Variants in ZCWPW1 observed in about 807,000 individuals in gnomAD.
ZCWPW1 encodes zinc finger CW-type PWWP domain protein 1.
A neutral mutation model predicts 81.3 loss-of-function variants in ZCWPW1; 56 were observed. The observed-to-expected ratio is 0.69, with a 90% CI of 0.56 to 0.86. ZCWPW1 has a LOEUF of 0.86. ZCWPW1 is among the 40% of genes least tolerant of loss of function. The pLI is 0.00. For missense variants in ZCWPW1, 650 were observed against 769.8 expected (o/e 0.84, Z 1.84); for synonymous variants, 250 against 273.7 (o/e 0.91, Z 0.86).
Position 100,407,260 on chromosome 7 carries a change from A to G in ZCWPW1, c.1036T>C (p.Phe346Leu). The stretch of plus-strand genomic sequence containing the variant: ...GAATCAAGATGGGAAGTAAAAAGAA[A>G]ATATTCCCCTAAGTCAGGATCAGAT... ...IESDPDLGEYFLFTSHLDSLP... is the reference protein window; with the variant it reads ...IESDPDLGEYLLFTSHLDSLP... Residue 346 changes from phenylalanine to leucine, a missense_variant, in exon 11 of 18, where the codon TTT (phenylalanine) becomes CTT (leucine). By Grantham distance (22) the Phe-to-Leu change is conservative (BLOSUM62 0). Coordinates refer to ENST00000684423, the MANE Select transcript of ZCWPW1 (RefSeq NM_001386010.1). 1.9e-6 allele frequency: 3 copies of G among 1,614,072 alleles called. No homozygotes were observed. The highest frequency in any genetic ancestry group is 1.7e-6 in the Non-Finnish European group (2 of 1,179,976).
At chr7:100,406,290 A>T (rs1365387108) in intron 12 of ZCWPW1, among the ~76,000 whole-genome samples, 1 of 152,114 alleles carries the variant, frequency 6.6e-6, no homozygotes, top group Non-Finnish European at 1.5e-5. Context: ...TGCTGGTTAG[A>T]TGCCGCTGGA....
chr7:100,415,627 CT>C (rs1317063407), intron 8 of ZCWPW1, among the ~76,000 whole-genome samples: 1 of 152,168 alleles, frequency 6.6e-6, no homozygotes, highest in Non-Finnish European at 1.5e-5. Flanking sequence ...CTCTCCTCCC[CT>C]GGGATCTATA....
At chr7:100,402,174 C>T in intron 16 of ZCWPW1, 133 bp from the exon 17 acceptor site, 1 of 1,187,416 alleles carries the variant, frequency 8.4e-7, no homozygotes, top group South Asian at 1.5e-5. Flanking sequence ...TTCCTGGTGG[C>T]CTCTGGCTCT....
intron 5 of ZCWPW1, among the ~76,000 whole-genome samples, chr7:100,417,659 A>C (rs1203685994): frequency 5.9e-5 from 9 of 151,556 alleles, no homozygotes. Context: ...CGGAAGTTGC[A>C]GTGAGCCAAG....
chr7:100,424,406 C>T (rs1356798634), intron 2 of ZCWPW1, among the ~76,000 whole-genome samples: 1 of 152,080 alleles, frequency 6.6e-6, no homozygotes. Context: ...TGGACTCCCT[C>T]GTTTATCTTT....
At chr7:100,414,026 A>G (rs961940945) in intron 8 of ZCWPW1, among the ~76,000 whole-genome samples, 1 of 152,238 alleles carries the variant, frequency 6.6e-6, no homozygotes, top group Non-Finnish European at 1.5e-5. Flanking sequence ...ATATAGTCAC[A>G]TAAAACCAAA....
chr7:100,423,105 C>T (rs1410917103), intron 2 of ZCWPW1, among the ~76,000 whole-genome samples: 1 of 152,110 alleles, frequency 6.6e-6, no homozygotes, highest in Non-Finnish European at 1.5e-5. Flanking sequence ...GATAATAAAG[C>T]CCCAACTCCC....
chr7:100,409,573 A>G (rs1563135450), intron 8 of ZCWPW1, 29 bp from the exon 9 acceptor site: 8 of 1,499,528 alleles, frequency 5.3e-6, no homozygotes, highest in East Asian at 4.5e-5. Context: ...GAAATAAGAG[A>G]CTTAAAAATA....
At chr7:100,412,336 C>T (rs1420807565) in intron 8 of ZCWPW1, among the ~76,000 whole-genome samples, 4 of 152,218 alleles carry the variant, frequency 2.6e-5, no homozygotes, top group African/African-American at 2.4e-5. Context: ...GATCTCAAAC[C>T]TAAATGTACC....
chr7:100,403,775 G>C lies in ZCWPW1; in HGVS notation c.1332C>G (p.Leu444=). 6.2e-7 allele frequency: 1 copy of C among 1,613,970 alleles called. No homozygotes were observed. Among genetic ancestry groups the C allele is most frequent in the Non-Finnish European group, 8.5e-7 (1 of 1,179,942 alleles). The change falls in exon 15 of 18, where the codon CTC becomes CTG. Residue 444 remains leucine, a synonymous_variant. Transcript: ENST00000684423. The part of the protein sequence containing the change: ...NSNGERKDLQ[L]SGLNSPGSCL... ...AGGATCCTGGGCTGTTCAAACCAGAGAGCTGTAAGTCTAGAACAGGAAAAG... is the reference window on the plus strand; with the variant it reads ...AGGATCCTGGGCTGTTCAAACCAGACAGCTGTAAGTCTAGAACAGGAAAAG...
At chr7:100,408,044 G>A (rs932116206) in intron 10 of ZCWPW1, among the ~76,000 whole-genome samples, 2 of 151,980 alleles carry the variant, frequency 1.3e-5, no homozygotes, top group African/African-American at 2.4e-5. Flanking sequence ...TCTGCCTCCC[G>A]GATTCAAGTG....
intron 1 of ZCWPW1, among the ~76,000 whole-genome samples, chr7:100,426,317 A>G (rs1184326267): frequency 6.6e-6 from 1 of 152,130 alleles, no homozygotes; most frequent in African/African-American, 2.4e-5. Flanking sequence ...AACATGGTGA[A>G]GCCCCATCTC....
intron 15 of ZCWPW1, among the ~76,000 whole-genome samples, chr7:100,403,142 T>G (rs2130363316): frequency 6.6e-6 from 1 of 152,054 alleles, no homozygotes; most frequent in East Asian, 1.9e-4. Context: ...AGCTCCTTAG[T>G]AAATCTAAGT....
At chr7:100,421,739 C>T (rs1367320993) in intron 2 of ZCWPW1, among the ~76,000 whole-genome samples, 1 of 152,092 alleles carries the variant, frequency 6.6e-6, no homozygotes, top group Non-Finnish European at 1.5e-5. Context: ...GTTGCCCAGG[C>T]TGGAGTGCAA....
chr7:100,416,359 G>T lies in ZCWPW1; in HGVS notation c.577C>A (p.Pro193Thr), dbSNP rs758340347. 3 of 1,614,022 alleles carry T rather than the reference G, an allele frequency of 1.9e-6. No individual in the cohort carries two copies. Among genetic ancestry groups the T allele is most frequent in the African/African-American group, 2.7e-5 (2 of 74,902 alleles). The change falls in exon 7 of 18, where the codon CCC becomes ACC. Residue 193 changes from proline (P) to threonine (T), a missense_variant. Transcript: ENST00000684423. ...TSKLGQPDPA[P>T]SKKKSNRLTL... ...AGTCTATTGGATTTCTTCTTAGAGG[G>T]TGCAGGATCTGGCTGGCCTAACTTA...
chr7:100,406,739 G>A lies in ZCWPW1; in HGVS notation c.1128C>T (p.Asn376=). 7 of 1,614,196 alleles carry A rather than the reference G, an allele frequency of 4.3e-6. No homozygotes were observed. Among genetic ancestry groups the A allele is most frequent in the South Asian group, 1.1e-5 (1 of 91,084 alleles). The change falls in exon 12 of 18, where the codon AAC becomes AAT. Residue 376 remains asparagine, a synonymous_variant. Coordinates refer to ENST00000684423, the MANE Select transcript of ZCWPW1 (RefSeq NM_001386010.1). ...ETVSRAWIPV[N]MLKNFQELSL... is the part of the protein sequence containing the mutation. ...ACAGCTCCTGGAAGTTCTTTAGCAT[G>A]TTGACTGGGATCCATGCACGAGAAA...
At position 100,419,771 on chromosome 7, in the gene ZCWPW1, T is replaced by C. The variant is rs1170138849; in HGVS notation, c.141A>G (p.Pro47=). ...PKEETPGISS[P]ETEARISLPK... ...GCAGGCTTATCCTGGCCTCTGTCTC[T>C]GGGGAACTGATCCCCGGGGTCTCCT... Residue 47 remains proline, a synonymous_variant, in exon 4 of 18, where the codon CCA becomes CCG. Transcript: ENST00000684423. 2.5e-6 allele frequency: 4 copies of C among 1,614,154 alleles called. No individual in the cohort carries two copies. The highest frequency in any genetic ancestry group is 3.3e-5 in the Admixed American group (2 of 60,012).
chr7:100,411,471 G>A (rs908236706), intron 8 of ZCWPW1, among the ~76,000 whole-genome samples: 4 of 152,002 alleles, frequency 2.6e-5, no homozygotes, highest in Non-Finnish European at 5.9e-5. Flanking sequence ...GTTTCCCCAT[G>A]TTGCCCAGGC....
At position 100,407,427 on chromosome 7, in the gene ZCWPW1, C is replaced by CT. The variant is rs1188412869; in HGVS notation, c.993-125dup. ...TTTTTTTCTGAGACAAGGTCTCACTCTGTCACCCAGGCTGGAGTGCAGTGT... is the reference window on the plus strand; with the variant it reads ...TTTTTTTCTGAGACAAGGTCTCACTCTTGTCACCCAGGCTGGAGTGCAGTGT... On this transcript the variant is annotated intron_variant, in intron 10 of 17. Coordinates refer to ENST00000684423, the MANE Select transcript of ZCWPW1 (RefSeq NM_001386010.1). 20 of 821,740 alleles carry CT rather than the reference C, an allele frequency of 2.4e-5. No individual in the cohort carries two copies. The East Asian group carries it at 5.3e-4, about 22-fold the overall frequency. 50.9% of individuals were successfully genotyped at this position (821,740 alleles called of 1,614,324 possible).
Sources: allele counts gnomAD v4.1 joint callset (sites outside exome capture counted in the v4.1 genomes callset), GRCh38; gene constraint gnomAD v4.1.1; transcripts MANE v1.5; gene names NCBI Gene and HGNC (gene_info 2026-07-23, HGNC 2026-07-21).